The following RNF135 variants were observed in gnomAD, a reference collection of about 807,000 sequenced individuals.
RNF135 encodes ring finger protein 135.
RNF135 carries 46 observed loss-of-function variants against 41.9 expected under a neutral mutation model. The ratio of observed to expected loss-of-function variants is 1.10; its 90% CI spans 0.87 to 1.40. The LOEUF is 1.40. Ranked by LOEUF, RNF135 falls within the 40% of genes most tolerant of loss-of-function variation. The probability of loss-of-function intolerance (pLI) is 0.00; values close to 1 mark genes in which losing one functional copy is unlikely to be tolerated. For synonymous variants in RNF135, 238 were observed against 223.8 expected (o/e 1.06, Z -0.57); for missense variants, 539 against 549.8 (o/e 0.98, Z 0.20).
At position 30,971,054 on chromosome 17, in the gene RNF135, G is replaced by C. The variant is rs766646931; in HGVS notation, c.-20G>C. The C allele has an allele frequency of 4.2e-5, 64 of 1,529,582 alleles. No individual in the cohort carries two copies. In the South Asian group the frequency reaches 7.4e-4, roughly 18 times the overall value. 94.8% of individuals were successfully genotyped at this position (1,529,582 alleles called of 1,614,324 possible). ...CGCCCGGCTCAACCCCGACGTCCGC[G>C]CCCCGGCCGCCTGTTGGCCATGGCG... is the stretch of plus-strand genomic sequence containing the variant. On this transcript the variant is annotated 5_prime_UTR_variant, in exon 1 of 5. Transcript: ENST00000328381.
chr17:30,966,353 AT>A (rs1271278718), upstream of RNF135, among the ~76,000 whole-genome samples: 1 of 125,250 alleles, frequency 8.0e-6, no homozygotes, highest in African/African-American at 5.2e-5. Flanking sequence ...ATTTATTTTT[AT>A]TTTATTTATT....
intron 1 of RNF135, chr17:30,978,832 G>A (rs546100374): frequency 7.6e-6 from 1 of 132,286 alleles, no homozygotes; most frequent in East Asian, 2.1e-4. Flanking sequence ...CTGCCTTCAA[G>A]CATCTGTTTA....
At chr17:30,982,552 A>C (rs1288340636) in intron 1 of RNF135, among the ~76,000 whole-genome samples, 1 of 152,184 alleles carries the variant, frequency 6.6e-6, no homozygotes, top group Non-Finnish European at 1.5e-5. Context: ...TGTTTCAGTA[A>C]TATAAAGTTA....
At position 30,999,023 on chromosome 17, in the gene RNF135, C is replaced by T; in HGVS notation, c.1131C>T (p.Gly377=). 3 of 1,614,186 alleles carry T rather than the reference C, an allele frequency of 1.9e-6. No homozygotes were observed. The highest frequency in any genetic ancestry group is 2.5e-6 in the Non-Finnish European group (3 of 1,180,040). The change falls in exon 5 of 5, where the codon GGC becomes GGT. Residue 377 remains glycine, a synonymous_variant. Coordinates refer to ENST00000328381, the MANE Select transcript of RNF135 (RefSeq NM_032322.4). ...GCTCAGACAGACCTGGGGTGGTGGG[C>T]ATCTGGCTGAACCTTGAGGAGGGAA... ...VLGSDRPGVV[G]IWLNLEEGKL... is the part of the protein sequence containing the mutation.
intron 1 of RNF135, among the ~76,000 whole-genome samples, chr17:30,980,506 C>G (rs1202155800): frequency 1.5e-5 from 2 of 134,660 alleles, no homozygotes; most frequent in African/African-American, 2.8e-5. Context: ...GGGGCTGACC[C>G]CCCCCACCTC....
intron 2 of RNF135, among the ~76,000 whole-genome samples, chr17:30,986,215 CTT>C (rs111962099): frequency 4.2e-5 from 6 of 142,376 alleles, no homozygotes; most frequent in Admixed American, 7.1e-5. Flanking sequence ...ACTTTTGATG[CTT>C]TTTTTTTTTT....
chr17:30,993,028 T>C (rs1908090824), intron 3 of RNF135, among the ~76,000 whole-genome samples: 1 of 145,926 alleles, frequency 6.9e-6, no homozygotes, highest in Admixed American at 6.7e-5. Context: ...CTAGTGCATT[T>C]TGTTTTATTT....
At chr17:30,994,115 T>A (rs542010250) in intron 3 of RNF135, among the ~76,000 whole-genome samples, 1 of 152,360 alleles carries the variant, frequency 6.6e-6, no homozygotes, top group African/African-American at 2.4e-5. Context: ...AAACATTTTT[T>A]AAAAACCTAT....
intron 1 of RNF135, chr17:30,975,321 TC>T: frequency 7.5e-6 from 5 of 665,990 alleles, no homozygotes; most frequent in Non-Finnish European, 1.4e-5. Context: ...ACATCCTGTT[TC>T]CCCTTAAAAA....
chr17:30,967,121 G>A (rs959242355), upstream of RNF135, among the ~76,000 whole-genome samples: 9 of 151,774 alleles, frequency 5.9e-5, no homozygotes, highest in African/African-American at 1.7e-4. Context: ...TACAACCTCC[G>A]TCTCCTAAGT....
intron 1 of RNF135, among the ~76,000 whole-genome samples, chr17:30,981,610 G>A (rs1907157808): frequency 6.6e-6 from 1 of 152,160 alleles, no homozygotes; most frequent in Admixed American, 6.5e-5. Flanking sequence ...CTTGATGCTC[G>A]TGGATGTTTG....
intron 1 of RNF135, among the ~76,000 whole-genome samples, chr17:30,979,908 GC>G (rs1186176915): frequency 7.1e-4 from 81 of 113,698 alleles, no homozygotes; most frequent in East Asian, 1.7e-3. Flanking sequence ...GGGCAGAGGG[GC>G]TCCTCACTTC....
At chr17:30,991,397 G>C (rs1305988375) in intron 3 of RNF135, among the ~76,000 whole-genome samples, 1 of 149,188 alleles carries the variant, frequency 6.7e-6, no homozygotes, top group African/African-American at 2.5e-5. Flanking sequence ...TATACTGCGC[G>C]TTTTTTTTCT....
intron 2 of RNF135, among the ~76,000 whole-genome samples, chr17:30,987,502 G>T (rs7225596): frequency 0.16 from 23,646 of 152,110 alleles, 5,718 homozygotes; most frequent in African/African-American, 0.52. Flanking sequence ...AAAGTGCTGG[G>T]ATTACAGGTG....
At chr17:30,993,269 C>T (rs1435821194) in intron 3 of RNF135, among the ~76,000 whole-genome samples, 1 of 152,080 alleles carries the variant, frequency 6.6e-6, no homozygotes, top group Non-Finnish European at 1.5e-5. Flanking sequence ...CCATGTTGGC[C>T]GGGCTGGTCT....
At chr17:30,971,476 C>G (rs1211832019) in intron 1 of RNF135, 31 bp downstream of exon 1, 29 of 1,463,964 alleles carry the variant, frequency 2.0e-5, no homozygotes, top group Non-Finnish European at 2.5e-5. Context: ...GCTCCCCTGG[C>G]TCCCCCGGGC....
rs116528371 is a variant in RNF135 at position 30,977,967 on chromosome 17, A to G, written c.372+6522A>G. On this transcript the variant is annotated intron_variant, in intron 1 of 4. Transcript: ENST00000328381. ...AGCTTTTGTTTGTCTGGGAGAGTCTATTTCTCCTTCATGTTTCAAAGCTAT... is the reference window on the plus strand; with the variant it reads ...AGCTTTTGTTTGTCTGGGAGAGTCTGTTTCTCCTTCATGTTTCAAAGCTAT... Among the ~76,000 whole-genome samples the G allele has an allele frequency of 5.3e-3, 800 of 152,158 alleles. 10 individuals carry two copies. Among genetic ancestry groups the G allele is most frequent in the African/African-American group, 0.018 (762 of 41,484 alleles).
the RNF135 span, among the ~76,000 whole-genome samples, chr17:30,960,569 A>G: frequency 1.3e-5 from 2 of 152,172 alleles, no homozygotes; most frequent in South Asian, 4.1e-4. Flanking sequence ...TCAGCAAAGA[A>G]CAGTTATGTC....
At chr17:30,960,659 C>A in the RNF135 span, among the ~76,000 whole-genome samples, 1 of 151,738 alleles carries the variant, frequency 6.6e-6, no homozygotes, top group African/African-American at 2.4e-5. Flanking sequence ...ATAGATTGTA[C>A]TTTCAAAAAT....
Sources: allele counts gnomAD v4.1 joint callset (sites outside exome capture counted in the v4.1 genomes callset), GRCh38; gene constraint gnomAD v4.1.1; transcripts MANE v1.5; gene names NCBI Gene and HGNC (gene_info 2026-07-23, HGNC 2026-07-21).